Variants in CEP295 observed in about 807,000 individuals in gnomAD.
CEP295 encodes centrosomal protein of 295 kDa.
A neutral mutation model predicts 291.6 loss-of-function variants in CEP295; 190 were observed. The observed-to-expected ratio is 0.65, with a 90% CI of 0.58 to 0.73. The LOEUF is 0.73. CEP295 is among the 30% of genes least tolerant of loss of function. The probability of loss-of-function intolerance (pLI) is 0.00; values close to 1 mark genes in which losing one functional copy is unlikely to be tolerated. For missense variants in CEP295, 2,863 were observed against 2,949.4 expected (o/e 0.97, Z 0.68); for synonymous variants, 993 against 1,038.8 (o/e 0.96, Z 0.85).
rs1296539650 is a variant in CEP295, at chr11:93,687,673, C to T, written c.1144C>T (p.Pro382Ser). Residue 382 changes from proline (P) to serine (S), a missense_variant, in exon 10 of 30, where the codon CCT (proline) becomes TCT (serine). Pro to Ser is a moderately conservative substitution (Grantham distance 74). Transcript: ENST00000325212. ...VPLVMKTQQI[P>S]SKVLFKKLLN... Reference sequence around the variant, plus strand: ...CTTGGTAATGAAGACCCAACAGATTCCTTCAAAAGTTCTTTTTAAAAAATT... The same window carrying T: ...CTTGGTAATGAAGACCCAACAGATTTCTTCAAAAGTTCTTTTTAAAAAATT... 5.2e-6 allele frequency: 8 copies of T among 1,535,520 alleles called. No individual in the cohort carries two copies. The African/African-American group carries it at 8.3e-5, about 16-fold the overall frequency.
At chr11:93,693,875 G>A (rs1184790337) in intron 12 of CEP295, among the ~76,000 whole-genome samples, 2 of 152,238 alleles carry the variant, frequency 1.3e-5, no homozygotes, top group African/African-American at 4.8e-5. Context: ...GTACCTGTTA[G>A]CCACATGGGC....
chr11:93,666,960 G>A, intron 2 of CEP295, 145 bp downstream of exon 2: 1 of 511,866 alleles, frequency 2.0e-6, no homozygotes, highest in South Asian at 3.4e-5. Flanking sequence ...AACTAGTTTT[G>A]GAACACTTGA....
In CEP295 at chr11:93,697,814, C is replaced by T. The variant is rs1213494805; in HGVS notation, c.2902C>T (p.Arg968Ter). ...TCAGAAGGATAGCCTTCAGGCTAGG[C>T]GAGAAGCCCAGGAAGTATTGTATGT... ...NIQKDSLQAR[R>*]EAQEVLYVHK... is the part of the protein sequence containing the mutation. The change falls in exon 15 of 30, where the codon CGA (arginine) becomes TGA (stop). Residue 968 changes from arginine to a stop codon, truncating the protein, a stop_gained. Coordinates refer to ENST00000325212, the MANE Select transcript of CEP295 (RefSeq NM_033395.2). LOFTEE classifies it high-confidence loss of function. 30 of 1,551,506 alleles carry T rather than the reference C, an allele frequency of 1.9e-5. No individual in the cohort carries two copies. Among genetic ancestry groups the T allele is most frequent in the Non-Finnish European group, 2.5e-5 (29 of 1,146,990 alleles).
chr11:93,720,709 A>T (rs865829344), intron 18 of CEP295, among the ~76,000 whole-genome samples: 2 of 151,868 alleles, frequency 1.3e-5, no homozygotes, highest in Admixed American at 1.3e-4. Flanking sequence ...CCACCCTCCC[A>T]CCTCAGTCTC....
chr11:93,721,701 TACGCACA>T, intron 19 of CEP295: 1 of 644,440 alleles, frequency 1.6e-6, no homozygotes, highest in Non-Finnish European at 2.8e-6. Context: ...TGTGTGTGTG[TACGCACA>T]TGTGTTTATA....
Position 93,698,627 on chromosome 11 carries a change from T to C in CEP295, c.3715T>C (p.Cys1239Arg), listed in dbSNP as rs760040515. Residue 1239 changes from cysteine (C) to arginine (R), a missense_variant, in exon 15 of 30, where the codon TGT (cysteine) becomes CGT (arginine). By Grantham distance (180) the Cys-to-Arg change is radical (BLOSUM62 -3). Coordinates refer to ENST00000325212, the MANE Select transcript of CEP295 (RefSeq NM_033395.2). ...CTTAAGCCATCCTAAGATCCCAAGA[T>C]GTCAGGAAAGACTTTTGAGAGTTTC... The part of the protein sequence containing the change: ...IPLSHPKIPR[C>R]QERLLRVSQH... The C allele has an allele frequency of 5.2e-6, 8 of 1,551,288 alleles. No homozygotes were observed. The highest frequency in any genetic ancestry group is 7.0e-6 in the Non-Finnish European group (8 of 1,147,128).
Position 93,683,579 on chromosome 11 carries a change from A to G in CEP295, c.786A>G (p.Lys262=). 6.6e-7 allele frequency: 1 copy of G among 1,512,076 alleles called. No individual in the cohort carries two copies. The highest frequency in any genetic ancestry group is 8.8e-7 in the Non-Finnish European group (1 of 1,135,802). The allele number at this position is 1,512,076 out of a possible 1,614,324, so 93.7% of individuals were successfully genotyped here. A position where few individuals can be genotyped will look rare whatever the true frequency, so the allele number is the denominator to read the frequency against. Residue 262 remains lysine (K), a synonymous_variant, in exon 8 of 30, where the codon AAA becomes AAG. Transcript: ENST00000325212. ...HLAQNQEKLM[K]ELKQLQQEDL... ...TGAAGAATCAGGAGAAACTAATGAA[A>G]GAACTCAAACAGCTACAGCAAGAGG... is the stretch of plus-strand genomic sequence containing the variant.
chr11:93,676,983 G>A (rs1007010265), intron 6 of CEP295, among the ~76,000 whole-genome samples: 2 of 151,992 alleles, frequency 1.3e-5, no homozygotes, highest in African/African-American at 4.8e-5. Context: ...AAAGCTTTGT[G>A]TACTGAATGA....
intron 5 of CEP295, among the ~76,000 whole-genome samples, chr11:93,673,488 CT>C (rs923583024): frequency 2.0e-5 from 3 of 151,104 alleles, no homozygotes; most frequent in South Asian, 2.1e-4. Flanking sequence ...ACCTGTGCAG[CT>C]TTTTTTTTAT....
intron 9 of CEP295, 67 bp from the exon 10 acceptor site, chr11:93,687,577 G>A: frequency 1.2e-6 from 1 of 826,220 alleles, no homozygotes; most frequent in Non-Finnish European, 1.9e-6. Context: ...CCGAATATAA[G>A]ATGGAACAAT....
rs1183858534 is a variant in CEP295, at chr11:93,697,860, A to G, written c.2948A>G (p.Asp983Gly). 1.9e-6 allele frequency: 3 copies of G among 1,551,626 alleles called. No homozygotes were observed. Among genetic ancestry groups the G allele is most frequent in the African/African-American group, 1.4e-5 (1 of 73,046 alleles). Residue 983 changes from aspartate to glycine, a missense_variant, in exon 15 of 30, where the codon GAT becomes GGT. Physicochemically the swap from Asp to Gly is moderately conservative, Grantham distance 94. Transcript: ENST00000325212. ...VLYVHKQSEL[D>G]RRVCSEQAEP... The stretch of plus-strand genomic sequence containing the variant: ...TATGTACATAAACAGAGTGAATTGG[A>G]TAGAAGAGTATGTTCCGAACAGGCT...
intron 5 of CEP295, among the ~76,000 whole-genome samples, chr11:93,675,076 G>A (rs1052501608): frequency 6.6e-6 from 1 of 152,180 alleles, no homozygotes; most frequent in Non-Finnish European, 1.5e-5. Context: ...TCTGGAGTAA[G>A]TGTAATTTAA....
rs765492425 is a variant in CEP295, at chr11:93,729,977, TAA to T, written c.7667+9_7667+10del. On this transcript the variant is annotated intron_variant, in intron 28 of 29. Coordinates refer to ENST00000325212, the MANE Select transcript of CEP295 (RefSeq NM_033395.2). The stretch of plus-strand genomic sequence containing the variant: ...GCACCAAAGGGGTCTAAGGTAGGGT[TAA>T]TTTTTTTTTTTTTTTTAGTGATTCA... 12 of 1,487,610 alleles carry T rather than the reference TAA, an allele frequency of 8.1e-6. No individual in the cohort carries two copies. Among genetic ancestry groups the T allele is most frequent in the Middle Eastern group, 1.7e-4 (1 of 5,716 alleles). 92.2% of individuals were successfully genotyped at this position (1,487,610 alleles called of 1,614,324 possible). A position where few individuals can be genotyped will look rare whatever the true frequency, so the allele number is the denominator to read the frequency against.
intron 15 of CEP295, among the ~76,000 whole-genome samples, chr11:93,701,333 C>T (rs1952143084): frequency 6.6e-6 from 1 of 152,122 alleles, no homozygotes; most frequent in South Asian, 2.1e-4. Context: ...CACTGTACTC[C>T]AGCCTGGGCG....
chr11:93,695,803 GAGTTCGAGAC>G, intron 13 of CEP295, 169 bp downstream of exon 13: 1 of 646,558 alleles, frequency 1.5e-6, no homozygotes, highest in Non-Finnish European at 2.3e-6. Context: ...TTCAGGTCAG[GAGTTCGAGAC>G]CAGCCTGGCC....
intron 22 of CEP295, among the ~76,000 whole-genome samples, chr11:93,724,701 A>G (rs1330969147): frequency 6.6e-6 from 1 of 152,122 alleles, no homozygotes; most frequent in African/African-American, 2.4e-5. Context: ...CAGGAGGTGG[A>G]GGCTGCAGTG....
intron 13 of CEP295, 126 bp downstream of exon 13, chr11:93,695,760 C>A: frequency 8.7e-7 from 1 of 1,143,796 alleles, no homozygotes; most frequent in Non-Finnish European, 1.2e-6. Context: ...CCTGTAATCT[C>A]AGCACTTTGG....
chr11:93,662,032 G>C (rs1048926058), intron 1 of CEP295, among the ~76,000 whole-genome samples: 3 of 152,172 alleles, frequency 2.0e-5, no homozygotes, highest in Admixed American at 6.5e-5. Flanking sequence ...GTCGGGTCGC[G>C]CGAGCTTCCC....
At chr11:93,701,882 G>A (rs914730906) in intron 15 of CEP295, among the ~76,000 whole-genome samples, 1 of 152,168 alleles carries the variant, frequency 6.6e-6, no homozygotes, top group African/African-American at 2.4e-5. Flanking sequence ...GATTACAGGC[G>A]TGAGCCACTG....
Sources: gnomAD v4.1 joint callset for allele counts (sites outside exome capture counted in the v4.1 genomes callset) on GRCh38, gnomAD v4.1.1 for gene constraint, MANE v1.5 for transcripts, NCBI Gene and HGNC (gene_info 2026-07-23, HGNC 2026-07-21) for gene names.